The following RPGRIP1L variants were observed in gnomAD, a reference collection of about 807,000 sequenced individuals.
RPGRIP1L encodes the protein protein fantom.
In RPGRIP1L, 131 loss-of-function variants were observed where a neutral mutation model predicts 160.4. That is an observed-to-expected ratio of 0.82 (90% CI 0.71 to 0.94). The LOEUF (loss-of-function observed/expected upper bound fraction) is 0.94. Among genes scored for constraint, RPGRIP1L ranks in the 40% least tolerant of loss-of-function variants. The pLI, the probability that RPGRIP1L is intolerant of heterozygous loss-of-function variation, is 0.00. For synonymous variants in RPGRIP1L, 510 were observed against 515.8 expected (o/e 0.99, Z 0.15); for missense variants, 1,522 against 1,535.8 (o/e 0.99, Z 0.15).
At position 53,641,107 on chromosome 16, in the gene RPGRIP1L, G is replaced by C; in HGVS notation, c.2884C>G (p.Pro962Ala). Reference protein sequence around the residue: ...SVSTLVLAPRPKPRQRLTPVD... With the variant: ...SVSTLVLAPRAKPRQRLTPVD... ...GGTGTTAAACGTTGTCTTGGTTTAG[G>C]TCTTGGTGCCTAAGACAAACCAACC... The change falls in exon 19 of 27, where the codon CCT becomes GCT. Residue 962 changes from proline (P) to alanine (A), a missense_variant. By Grantham distance (27) the Pro-to-Ala change is conservative. Transcript: ENST00000647211. 1.2e-6 allele frequency: 2 copies of C among 1,613,430 alleles called. No homozygotes were observed. The highest frequency in any genetic ancestry group is 1.1e-5 in the South Asian group (1 of 91,054).
At chr16:53,675,416 T>A (rs538236236) in intron 6 of RPGRIP1L, among the ~76,000 whole-genome samples, 5 of 152,258 alleles carry the variant, frequency 3.3e-5, no homozygotes, top group Admixed American at 3.3e-4. Flanking sequence ...TTAAAATCAT[T>A]TTATAGTATC....
At position 53,665,162 on chromosome 16, in the gene RPGRIP1L, C is replaced by T. The variant is rs139203700; in HGVS notation, c.1104-153G>A. 6.6e-5 allele frequency among the ~76,000 whole-genome samples: 10 copies of T among 152,238 alleles called. No individual in the cohort carries two copies. In the South Asian group the frequency reaches 8.3e-4, roughly 13 times the overall value. Reference sequence around the variant, plus strand: ...TGGTCTGCTGCTGTTGAAACCAAGGCGCCTTTCTCAGGCTGCGGTTAGGGA... The same window carrying T: ...TGGTCTGCTGCTGTTGAAACCAAGGTGCCTTTCTCAGGCTGCGGTTAGGGA... On this transcript the variant is annotated intron_variant, in intron 9 of 26. Coordinates refer to ENST00000647211, the MANE Select transcript of RPGRIP1L (RefSeq NM_015272.5).
Position 53,637,814 on chromosome 16 carries a change from G to A in RPGRIP1L, c.3101C>T (p.Thr1034Ile), listed in dbSNP as rs780672507. Residue 1034 changes from threonine to isoleucine, a missense_variant, in exon 21 of 27, where the codon ACT (threonine) becomes ATT (isoleucine). Transcript: ENST00000647211. ...EGSVDEVKEN[T>I]EKMQQGKDDV... ...ATCTTTTCCTTGCTGCATTTTCTCAGTATTCTCTTTTACCTCATCTACACT... is the reference window on the plus strand; with the variant it reads ...ATCTTTTCCTTGCTGCATTTTCTCAATATTCTCTTTTACCTCATCTACACT... The A allele has an allele frequency of 5.0e-6, 8 of 1,608,076 alleles. No homozygotes were observed. In the East Asian group the frequency reaches 1.6e-4, roughly 32 times the overall value.
intron 4 of RPGRIP1L, among the ~76,000 whole-genome samples, chr16:53,690,303 TCTC>T (rs1449561470): frequency 1.3e-5 from 2 of 152,128 alleles, no homozygotes; most frequent in Non-Finnish European, 2.9e-5. Flanking sequence ...TTCAAGTGAT[TCTC>T]CTGCCTCGGC....
intron 22 of RPGRIP1L, among the ~76,000 whole-genome samples, chr16:53,623,999 C>G (rs1964907259): frequency 6.6e-6 from 1 of 152,140 alleles, no homozygotes; most frequent in African/African-American, 2.4e-5. Flanking sequence ...TCGAGTGATC[C>G]TCCCATCTCA....
chr16:53,696,822 C>T (rs1460602823), intron 2 of RPGRIP1L, among the ~76,000 whole-genome samples: 1 of 152,184 alleles, frequency 6.6e-6, no homozygotes, highest in Non-Finnish European at 1.5e-5. Context: ...TTTCTCTTTA[C>T]ACTACCTTAT....
chr16:53,646,017 CA>C lies in RPGRIP1L; in HGVS notation c.2305-15del, dbSNP rs1250768770. 28 of 1,612,480 alleles carry C rather than the reference CA, an allele frequency of 1.7e-5. No individual in the cohort carries two copies. The highest frequency in any genetic ancestry group is 2.0e-5 in the Non-Finnish European group (24 of 1,178,660). On this transcript the variant is annotated splice_polypyrimidine_tract_variant and intron_variant, in intron 16 of 26. Transcript: ENST00000647211. ...TTGCTGACTTAACTGGAAAAACATA[CA>C]TATTTATATTAAGGAAATAACACAG...
intron 25 of RPGRIP1L, among the ~76,000 whole-genome samples, chr16:53,607,258 C>T (rs1014319895): frequency 6.6e-6 from 1 of 152,208 alleles, no homozygotes; most frequent in African/African-American, 2.4e-5. Flanking sequence ...GCCTGGAACA[C>T]AGTAAGCACT....
intron 17 of RPGRIP1L, among the ~76,000 whole-genome samples, chr16:53,643,682 A>C (rs930269533): frequency 1.2e-4 from 19 of 152,236 alleles, no homozygotes; most frequent in African/African-American, 3.9e-4. Context: ...CTTAGCTGAA[A>C]CATCAGTGGC....
At chr16:53,690,818 A>T (rs1382681225) in intron 4 of RPGRIP1L, among the ~76,000 whole-genome samples, 1 of 152,138 alleles carries the variant, frequency 6.6e-6, no homozygotes, top group East Asian at 1.9e-4. Flanking sequence ...ATAGATGGGG[A>T]AAATGAGGCT....
chr16:53,658,828 G>C lies in RPGRIP1L; in HGVS notation c.1294C>G (p.Leu432Val). ...QENRELQLQY[L>V]EQKQQLDELK... ...TCATCAAGTTGTTGCTTTTGTTCCA[G>C]ATACTGTAACTGTAGTTCTCTATTC... Residue 432 changes from leucine to valine, a missense_variant, in exon 11 of 27, where the codon CTG (leucine) becomes GTG (valine). Leu to Val is a conservative substitution (Grantham distance 32). Transcript: ENST00000647211. 1 of 1,609,196 alleles carries C rather than the reference G, an allele frequency of 6.2e-7. No homozygotes were observed. The highest frequency in any genetic ancestry group is 8.5e-7 in the Non-Finnish European group (1 of 1,176,950).
In RPGRIP1L at chr16:53,666,566, ATG is replaced by A. The variant is rs112955038; in HGVS notation, c.1104-1559_1104-1558del. 8.8e-4 allele frequency among the ~76,000 whole-genome samples: 121 copies of A among 136,772 alleles called. 1 individual carries two copies. Among genetic ancestry groups the A allele is most frequent in the Admixed American group, 1.7e-3 (21 of 12,388 alleles). The allele number at this position is 136,772 out of a possible 152,430, so 89.7% of individuals were successfully genotyped here. ...TATATGCATGAATGTGAGTACATCT[ATG>A]TGTGTGTGTGTGTGTGTGTGTGTGT... On this transcript the variant is annotated intron_variant, in intron 9 of 26. Transcript: ENST00000647211.
chr16:53,632,497 C>T (rs1965582696), intron 22 of RPGRIP1L, among the ~76,000 whole-genome samples: 1 of 152,028 alleles, frequency 6.6e-6, no homozygotes, highest in African/African-American at 2.4e-5. Context: ...TTTTTGTATT[C>T]GTGGATCTAT....
intron 3 of RPGRIP1L, chr16:53,695,507 C>G: frequency 1.5e-6 from 1 of 681,198 alleles, no homozygotes; most frequent in East Asian, 2.7e-5. Flanking sequence ...CACATCTGAA[C>G]ACACTTTGTT....
At chr16:53,628,210 AAAC>A (rs931250228) in intron 22 of RPGRIP1L, 35 of 152,160 alleles carry the variant, frequency 2.3e-4, no homozygotes, top group African/African-American at 8.2e-4. Flanking sequence ...CTTTGTAACA[AAAC>A]AACAGAGACA....
chr16:53,695,311 T>C, intron 3 of RPGRIP1L: 1 of 695,112 alleles, frequency 1.4e-6, no homozygotes, highest in Non-Finnish European at 2.6e-6. Context: ...AAAACCCAAC[T>C]CAAAGTAAAA....
At chr16:53,622,076 G>T (rs1964762403) in intron 23 of RPGRIP1L, 143 bp downstream of exon 23, 9 of 197,696 alleles carry the variant, frequency 4.6e-5, no homozygotes, top group Non-Finnish European at 7.4e-5. Flanking sequence ...ATAAAGATCT[G>T]AAGATTGGCC....
At chr16:53,638,975 A>T (rs2151044297) in intron 19 of RPGRIP1L, among the ~76,000 whole-genome samples, 1 of 151,512 alleles carries the variant, frequency 6.6e-6, no homozygotes, top group Non-Finnish European at 1.5e-5. Context: ...TTTTATTTTC[A>T]CTGTTTTTTT....
intron 24 of RPGRIP1L, among the ~76,000 whole-genome samples, chr16:53,618,363 C>T (rs1325406013): frequency 6.6e-6 from 1 of 152,016 alleles, no homozygotes; most frequent in East Asian, 1.9e-4. Context: ...TTGAAAGCTT[C>T]GAATCATATG....
Sources: allele counts gnomAD v4.1 joint callset (sites outside exome capture counted in the v4.1 genomes callset), GRCh38; gene constraint gnomAD v4.1.1; transcripts MANE v1.5; gene names NCBI Gene and HGNC (gene_info 2026-07-23, HGNC 2026-07-21).